Variants in WWP1 observed in about 807,000 individuals in gnomAD.
WWP1 encodes NEDD4-like E3 ubiquitin-protein ligase WWP1.
WWP1 carries 49 observed loss-of-function variants against 130.6 expected under a neutral mutation model. The observed-to-expected ratio is 0.38, with a 90% CI of 0.30 to 0.48. The LOEUF (loss-of-function observed/expected upper bound fraction) is 0.48. Ranked by LOEUF, WWP1 falls within the 20% of genes least tolerant of loss-of-function variation. The pLI is 0.99. For synonymous variants in WWP1, 332 were observed against 367.8 expected, an observed-to-expected ratio of 0.90 and a Z score of 1.11; for missense variants, 809 against 1,100.6, an observed-to-expected ratio of 0.74 and a Z score of 3.75.
chr8:86,348,803 G>T (rs1408918985), intron 1 of WWP1, among the ~76,000 whole-genome samples: 2 of 152,178 alleles, frequency 1.3e-5, no homozygotes, highest in Non-Finnish European at 2.9e-5. Context: ...TGTTGTTTCA[G>T]TTATGTACTG....
intron 10 of WWP1, among the ~76,000 whole-genome samples, chr8:86,426,400 T>C (rs1436431502): frequency 1.3e-5 from 2 of 152,196 alleles, no homozygotes; most frequent in Non-Finnish European, 2.9e-5. Context: ...TGAAAGGAGT[T>C]TACAATCATT....
At chr8:86,398,754 C>G in intron 7 of WWP1, 116 bp downstream of exon 7, 2 of 1,047,180 alleles carry the variant, frequency 1.9e-6, no homozygotes, top group South Asian at 1.6e-5. Flanking sequence ...AAGCTTATGT[C>G]TAAGCATGTC....
At chr8:86,457,065 A>G (rs2130770885) in intron 21 of WWP1, among the ~76,000 whole-genome samples, 1 of 152,094 alleles carries the variant, frequency 6.6e-6, no homozygotes, top group East Asian at 1.9e-4. Flanking sequence ...GTGGTTACAC[A>G]GGTGTATACA....
rs982949561 is a variant in WWP1, at chr8:86,467,297, G to A, written c.*404G>A. The stretch of plus-strand genomic sequence containing the variant: ...GGGGAAAAAGTGCAAATTGCTCCAT[G>A]TTCTTCTCTCCCTTATGTAACATCT... On this transcript the variant is annotated 3_prime_UTR_variant, in exon 25 of 25. Coordinates refer to ENST00000517970, the MANE Select transcript of WWP1 (RefSeq NM_007013.4). The A allele has an allele frequency of 4.4e-5, 7 of 157,878 alleles. No individual in the cohort carries two copies. The highest frequency in any genetic ancestry group is 1.4e-4 in the African/African-American group (6 of 41,396). The allele number at this position is 157,878 out of a possible 1,614,324, so 9.8% of individuals were successfully genotyped here. A position where few individuals can be genotyped will look rare whatever the true frequency, so the allele number is the denominator to read the frequency against.
chr8:86,428,356 C>G (rs1354366421), intron 11 of WWP1, among the ~76,000 whole-genome samples: 1 of 151,990 alleles, frequency 6.6e-6, no homozygotes, highest in East Asian at 1.9e-4. Flanking sequence ...TTGCCATAAG[C>G]AAACATCCGT....
At chr8:86,346,861 T>C (rs1822614702) in intron 1 of WWP1, among the ~76,000 whole-genome samples, 1 of 152,228 alleles carries the variant, frequency 6.6e-6, no homozygotes, top group Non-Finnish European at 1.5e-5. Flanking sequence ...TTTATTGTTT[T>C]TGCTGGCATT....
intron 5 of WWP1, among the ~76,000 whole-genome samples, chr8:86,386,427 A>G (rs1227717540): frequency 8.4e-6 from 1 of 118,822 alleles, no homozygotes; most frequent in Non-Finnish European, 1.6e-5. Flanking sequence ...TGTTCCACTC[A>G]TATAGCAGGC....
rs188248165 is a variant in WWP1, at chr8:86,361,232, G to C, written c.-114-7707G>C. ...TGAGAAATTATGGGCTTGGAGATAA[G>C]AGTTGTAGTGGTAGTGATGGTAAGA... On this transcript the variant is annotated intron_variant, in intron 1 of 24. Transcript: ENST00000517970. 5.9e-5 allele frequency among the ~76,000 whole-genome samples: 9 copies of C among 152,250 alleles called. No homozygotes were observed. The East Asian group carries it at 1.7e-3, about 29-fold the overall frequency.
chr8:86,427,615 A>G, intron 10 of WWP1, 28 bp from the exon 11 acceptor site: 3 of 1,539,532 alleles, frequency 1.9e-6, no homozygotes, highest in Non-Finnish European at 2.6e-6. Flanking sequence ...TTGAGAGATT[A>G]TTGTTTATTA....
At chr8:86,409,036 T>A (rs546640796) in intron 8 of WWP1, among the ~76,000 whole-genome samples, 1 of 152,020 alleles carries the variant, frequency 6.6e-6, no homozygotes, top group Non-Finnish European at 1.5e-5. Context: ...TTTAAAAAAA[T>A]TTTCTTGTGT....
intron 24 of WWP1, among the ~76,000 whole-genome samples, chr8:86,463,553 G>A (rs919383656): frequency 9.9e-5 from 15 of 151,946 alleles, no homozygotes; most frequent in African/African-American, 3.4e-4. Context: ...TGATCTGCCC[G>A]CCTTGGCCTC....
intron 2 of WWP1, among the ~76,000 whole-genome samples, chr8:86,369,970 A>C (rs1322501401): frequency 6.6e-6 from 1 of 152,204 alleles, no homozygotes; most frequent in Non-Finnish European, 1.5e-5. Context: ...GTCAATAATA[A>C]AAAACATTTG....
intron 3 of WWP1, among the ~76,000 whole-genome samples, chr8:86,378,207 C>T (rs929253615): frequency 5.9e-5 from 9 of 152,010 alleles, no homozygotes; most frequent in Admixed American, 2.0e-4. Context: ...TTTTCCTCTG[C>T]CCCCACCAAA....
At position 86,370,053 on chromosome 8, in the gene WWP1, C is replaced by A. The variant is rs553097409; in HGVS notation, c.-22+1022C>A. On this transcript the variant is annotated intron_variant, in intron 2 of 24. Transcript: ENST00000517970. The stretch of plus-strand genomic sequence containing the variant: ...AAGAGCTGTGAAAACCTCTCTGATT[C>A]CATATTCTTACCTTTTCCCAGCCCC... Among the ~76,000 whole-genome samples the A allele has an allele frequency of 2.2e-4, 34 of 152,298 alleles. No individual in the cohort carries two copies. The Middle Eastern group carries it at 0.014, about 61-fold the overall frequency.
intron 1 of WWP1, among the ~76,000 whole-genome samples, chr8:86,350,725 A>T (rs1442962733): frequency 6.6e-6 from 1 of 152,208 alleles, no homozygotes; most frequent in African/African-American, 2.4e-5. Context: ...GGAAACAAGG[A>T]AAACAAGTTC....
intron 18 of WWP1, among the ~76,000 whole-genome samples, chr8:86,445,327 C>T (rs757352321): frequency 3.3e-5 from 5 of 152,094 alleles, no homozygotes; most frequent in Non-Finnish European, 7.3e-5. Flanking sequence ...AGTTTTTCAA[C>T]CCTTGCCTTC....
At chr8:86,374,226 C>A (rs1388057712) in intron 3 of WWP1, 106 bp downstream of exon 3, 2 of 885,884 alleles carry the variant, frequency 2.3e-6, no homozygotes, top group Non-Finnish European at 3.4e-6. Context: ...TAGATTCATA[C>A]TATGGCATAT....
At chr8:86,377,799 A>T (rs902594638) in intron 3 of WWP1, among the ~76,000 whole-genome samples, 7 of 152,176 alleles carry the variant, frequency 4.6e-5, no homozygotes, top group Non-Finnish European at 1.0e-4. Context: ...GAGATTGAAG[A>T]AAAAATGGGC....
chr8:86,423,743 T>C (rs28645771), intron 9 of WWP1, among the ~76,000 whole-genome samples: 110,606 of 151,406 alleles, frequency 0.73, 41,227 homozygotes, highest in African/African-American at 0.82. Flanking sequence ...TTTGGTACAC[T>C]TCCCAGACGG....
Sources: gnomAD v4.1 joint callset for allele counts (sites outside exome capture counted in the v4.1 genomes callset) on GRCh38, gnomAD v4.1.1 for gene constraint, MANE v1.5 for transcripts, NCBI Gene and HGNC (gene_info 2026-07-23, HGNC 2026-07-21) for gene names.